The following SYT14 variants were observed in gnomAD, a reference collection of about 807,000 sequenced individuals.
The protein encoded by SYT14 is synaptotagmin 14.
A neutral mutation model predicts 74.2 loss-of-function variants in SYT14; 32 were observed. The observed-to-expected ratio is 0.43, with a 90% confidence interval of 0.33 to 0.58. SYT14 has a LOEUF of 0.58. Ranked by LOEUF, SYT14 falls within the 20% of genes least tolerant of loss-of-function variation. The pLI is 0.05. For missense variants in SYT14, 791 were observed against 981.8 expected, an observed-to-expected ratio of 0.81 and a Z score of 2.60; for synonymous variants, 298 against 337.7, an observed-to-expected ratio of 0.88 and a Z score of 1.29.
At chr1:210,006,269 A>G (rs920504290) in intron 2 of SYT14, among the ~76,000 whole-genome samples, 1 of 151,798 alleles carries the variant, frequency 6.6e-6, no homozygotes, top group Non-Finnish European at 1.5e-5. Context: ...CCAGTTTTGC[A>G]TTGTTTATAA....
intron 5 of SYT14, among the ~76,000 whole-genome samples, chr1:210,071,224 A>G (rs2081387881): frequency 1.3e-5 from 1 of 78,276 alleles, no homozygotes. Context: ...CTGAATTTGT[A>G]TATATATGTA....
At chr1:210,163,235 CT>C in exon 10 of SYT14, 2 of 439,412 alleles carry the variant, frequency 4.6e-6, no homozygotes, top group Non-Finnish European at 8.9e-6. Context: ...AGAAAAAGAC[CT>C]AACTAATTGT....
At chr1:210,111,186 G>A (rs941009600) in intron 7 of SYT14, among the ~76,000 whole-genome samples, 1 of 152,188 alleles carries the variant, frequency 6.6e-6, no homozygotes, top group Non-Finnish European at 1.5e-5. Flanking sequence ...TCCAGAAAGA[G>A]GGTCAGTGAA....
chr1:209,945,402 T>C (rs1572048852), intron 1 of SYT14, among the ~76,000 whole-genome samples: 1 of 152,250 alleles, frequency 6.6e-6, no homozygotes. Context: ...ATGGTCTAAT[T>C]AGGGACAAAA....
chr1:210,094,419 A>G, exon 6 of SYT14: 5 of 1,613,968 alleles, frequency 3.1e-6, no homozygotes, highest in Non-Finnish European at 4.2e-6. Flanking sequence ...TGTCATGTAC[A>G]CCCTCAGAAA....
intron 2 of SYT14, 115 bp from the exon 3 acceptor site, chr1:210,013,518 A>G: frequency 2.9e-6 from 3 of 1,051,640 alleles, no homozygotes; most frequent in Non-Finnish European, 4.2e-6. Flanking sequence ...AACTATGACA[A>G]TTAAAAAATA....
chr1:210,104,726 T>C (rs2082128433), intron 7 of SYT14, among the ~76,000 whole-genome samples: 1 of 152,194 alleles, frequency 6.6e-6, no homozygotes, highest in South Asian at 2.1e-4. Flanking sequence ...TATTGATTGA[T>C]TAATAATGAA....
At chr1:210,026,499 G>A (rs1323548586) in intron 5 of SYT14, among the ~76,000 whole-genome samples, 1 of 151,682 alleles carries the variant, frequency 6.6e-6, no homozygotes, top group East Asian at 1.9e-4. Flanking sequence ...TATGTATTAT[G>A]GAAAGCTGTA....
chr1:210,050,315 C>G (rs2080969049), intron 5 of SYT14, among the ~76,000 whole-genome samples: 2 of 152,184 alleles, frequency 1.3e-5, no homozygotes, highest in Non-Finnish European at 2.9e-5. Context: ...CTCTGGTTCT[C>G]AACAAGTTCC....
At chr1:210,045,551 A>C (rs544075118) in intron 5 of SYT14, among the ~76,000 whole-genome samples, 1 of 152,208 alleles carries the variant, frequency 6.6e-6, no homozygotes, top group Non-Finnish European at 1.5e-5. Context: ...AGATGAAGGC[A>C]TTGAAAAGAG....
intron 5 of SYT14, among the ~76,000 whole-genome samples, chr1:210,093,395 T>A (rs2081911814): frequency 6.6e-6 from 1 of 152,176 alleles, no homozygotes; most frequent in African/African-American, 2.4e-5. Context: ...AATTTAATGT[T>A]TAGTATTGCA....
chr1:210,004,735 T>C (rs569336829), intron 2 of SYT14, among the ~76,000 whole-genome samples: 1 of 152,018 alleles, frequency 6.6e-6, no homozygotes, highest in Admixed American at 6.6e-5. Context: ...GCGATGCTTG[T>C]TCAGAGGTTA....
chr1:210,108,628 TA>T (rs34608102), intron 7 of SYT14, among the ~76,000 whole-genome samples: 15,700 of 144,456 alleles, frequency 0.11, 1,094 homozygotes, highest in Non-Finnish European at 0.14. Context: ...ATGATTTGAT[TA>T]AAAAAAAAAA....
At chr1:210,155,572 C>A in intron 7 of SYT14, 149 bp from the exon 7 acceptor site, 1 of 811,310 alleles carries the variant, frequency 1.2e-6, no homozygotes, top group Non-Finnish European at 1.9e-6. Flanking sequence ...CTAAAATATG[C>A]TAAGGACAAT....
At chr1:210,154,293 G>A (rs962634035) in intron 7 of SYT14, among the ~76,000 whole-genome samples, 10 of 152,116 alleles carry the variant, frequency 6.6e-5, no homozygotes, top group African/African-American at 2.4e-4. Context: ...GGCCTGTTAG[G>A]AATGGGCGCC....
At chr1:210,150,249 A>G (rs2102697198) in intron 7 of SYT14, among the ~76,000 whole-genome samples, 1 of 152,318 alleles carries the variant, frequency 6.6e-6, no homozygotes, top group South Asian at 2.1e-4. Flanking sequence ...GTTCCTAGTA[A>G]CATGGGTTGA....
Position 210,016,418 on chromosome 1 carries a change from GGTGATTCTTCTTT to G in SYT14, c.417_429del (p.Asp140LysfsTer4). 1 of 1,231,988 alleles carries G rather than the reference GGTGATTCTTCTTT, an allele frequency of 8.1e-7. No homozygotes were observed. 76.3% of individuals were successfully genotyped at this position (1,231,988 alleles called of 1,614,324 possible). A position where few individuals can be genotyped will look rare whatever the true frequency, so the allele number is the denominator to read the frequency against. On this transcript the variant is annotated frameshift_variant, in exon 4 of 10. Coordinates refer to ENST00000637265, the Ensembl canonical transcript of SYT14. LOFTEE classifies it high-confidence loss of function. ...AGAATATCAAGACACTGGTAATACT[GGTGATTCTTCTTT>G]GAAAGGCTACATGAATAATGGTGGG...
intron 2 of SYT14, among the ~76,000 whole-genome samples, chr1:209,955,033 T>G (rs1352606180): frequency 6.6e-6 from 1 of 152,162 alleles, no homozygotes; most frequent in Non-Finnish European, 1.5e-5. Context: ...TTTACCTCTT[T>G]GACTGTTTCT....
intron 7 of SYT14, among the ~76,000 whole-genome samples, chr1:210,132,157 C>G (rs1011108447): frequency 6.7e-6 from 1 of 149,268 alleles, no homozygotes; most frequent in Non-Finnish European, 1.5e-5. Flanking sequence ...CTTCTTTACC[C>G]CACCAAGGCT....
Sources: allele counts gnomAD v4.1 joint callset (sites outside exome capture counted in the v4.1 genomes callset), GRCh38; gene constraint gnomAD v4.1.1; transcripts MANE v1.5; gene names NCBI Gene and HGNC (gene_info 2026-07-23, HGNC 2026-07-21).